Variants in WDPCP observed in about 807,000 individuals in gnomAD.
The protein encoded by WDPCP is WD repeat containing planar cell polarity effector.
Under a neutral mutation model 93.1 loss-of-function variants are expected in WDPCP, and 71 were observed. The ratio of observed to expected loss-of-function variants is 0.76; its 90% CI spans 0.63 to 0.93. The LOEUF is 0.93. Among genes scored for constraint, WDPCP ranks in the 40% least tolerant of loss-of-function variants. The pLI is 0.00. For missense variants in WDPCP, 844 were observed against 887.4 expected (o/e 0.95, Z 0.62); for synonymous variants, 315 against 315.0 (o/e 1.00, Z 0.00).
chr2:63,125,682 A>G lies in WDPCP; in HGVS notation c.2191-3626T>C, dbSNP rs1174689087. On this transcript the variant is annotated intron_variant, in intron 17 of 17. Coordinates refer to ENST00000272321, the MANE Select transcript of WDPCP (RefSeq NM_015910.7). The stretch of plus-strand genomic sequence containing the variant: ...GAGTGCAGTGGCGTGATCTCGGCTC[A>G]CTGCAACCTCCGCTTCCCGGGTTCA... 2.0e-5 allele frequency among the ~76,000 whole-genome samples: 3 copies of G among 151,980 alleles called. No homozygotes were observed. In the South Asian group the frequency reaches 6.2e-4, roughly 32 times the overall value.
chr2:63,396,953 T>C (rs764285518), intron 10 of WDPCP, among the ~76,000 whole-genome samples: 1 of 152,114 alleles, frequency 6.6e-6, no homozygotes, highest in Non-Finnish European at 1.5e-5. Flanking sequence ...CTAAGTATAA[T>C]AGCCTCCATC....
At chr2:63,708,235 C>T (rs989433621) in intron 2 of WDPCP, among the ~76,000 whole-genome samples, 1 of 152,208 alleles carries the variant, frequency 6.6e-6, no homozygotes, top group African/African-American at 2.4e-5. Context: ...GTGGAGCCTA[C>T]AGAGGCAGGC....
chr2:63,423,667 G>T (rs749485304), intron 9 of WDPCP, among the ~76,000 whole-genome samples: 3 of 152,058 alleles, frequency 2.0e-5, no homozygotes, highest in African/African-American at 7.2e-5. Context: ...GATACTAAAG[G>T]GCAGAATAAG....
At chr2:63,467,396 C>A (rs769357585) in intron 6 of WDPCP, among the ~76,000 whole-genome samples, 1 of 151,930 alleles carries the variant, frequency 6.6e-6, no homozygotes, top group African/African-American at 2.4e-5. Context: ...AGGAGAATCA[C>A]TGGAACCCAG....
intron 14 of WDPCP, among the ~76,000 whole-genome samples, chr2:63,258,804 T>A (rs1681357411): frequency 6.6e-6 from 1 of 152,164 alleles, no homozygotes; most frequent in African/African-American, 2.4e-5. Flanking sequence ...ACTTTCAAAT[T>A]CATTCTAAGG....
At chr2:63,440,454 A>G (rs1490087212) in intron 6 of WDPCP, 1 of 152,294 alleles carries the variant, frequency 6.6e-6, no homozygotes, top group Non-Finnish European at 1.5e-5. Flanking sequence ...TAAACAACAC[A>G]TATCAGAAAC....
At chr2:63,200,390 C>T (rs970259100) in intron 14 of WDPCP, among the ~76,000 whole-genome samples, 1 of 152,116 alleles carries the variant, frequency 6.6e-6, no homozygotes, top group Non-Finnish European at 1.5e-5. Context: ...ATCTGCACTC[C>T]CATGTTTGTT....
chr2:63,630,310 G>T (rs1178922853), intron 3 of WDPCP, among the ~76,000 whole-genome samples: 1 of 151,996 alleles, frequency 6.6e-6, no homozygotes, highest in East Asian at 1.9e-4. Flanking sequence ...AAAGGAAAAT[G>T]GTCTAAAGGC....
chr2:63,638,561 A>G (rs1335529187), intron 3 of WDPCP, among the ~76,000 whole-genome samples: 1 of 152,218 alleles, frequency 6.6e-6, no homozygotes, highest in Non-Finnish European at 1.5e-5. Context: ...AGGCAGAAGC[A>G]GGAGGATTGC....
intron 1 of WDPCP, among the ~76,000 whole-genome samples, chr2:63,500,183 G>A (rs1002677854): frequency 6.6e-6 from 1 of 152,130 alleles, no homozygotes; most frequent in Non-Finnish European, 1.5e-5. Context: ...TTAATAAGTT[G>A]AATTTTAGAC....
intron 13 of WDPCP, among the ~76,000 whole-genome samples, chr2:63,286,170 T>G (rs1683985622): frequency 6.6e-6 from 1 of 152,122 alleles, no homozygotes; most frequent in African/African-American, 2.4e-5. Context: ...CACACTCAAA[T>G]TTTTAAATTT....
chr2:63,425,260 A>G (rs1465076422), intron 9 of WDPCP, among the ~76,000 whole-genome samples: 1 of 152,190 alleles, frequency 6.6e-6, no homozygotes, highest in African/African-American at 2.4e-5. Context: ...CAAAAAGACA[A>G]TACCAGCCCG....
chr2:63,170,794 T>G (rs1436318909), intron 15 of WDPCP, among the ~76,000 whole-genome samples: 1 of 152,208 alleles, frequency 6.6e-6, no homozygotes, highest in Admixed American at 6.5e-5. Flanking sequence ...CTATGTTTTG[T>G]GAGATCCTAG....
At chr2:63,134,966 T>C (rs1276510638) in intron 17 of WDPCP, among the ~76,000 whole-genome samples, 1 of 151,844 alleles carries the variant, frequency 6.6e-6, no homozygotes, top group Admixed American at 6.6e-5. Context: ...CTACAAAAAA[T>C]ACAAAAATTA....
intron 13 of WDPCP, among the ~76,000 whole-genome samples, chr2:63,262,760 T>C (rs918521321): frequency 6.6e-6 from 1 of 152,110 alleles, no homozygotes; most frequent in African/African-American, 2.4e-5. Context: ...TTCTAGGGAA[T>C]TGGGGTCGTC....
chr2:63,255,605 T>C (rs936702861), intron 14 of WDPCP, among the ~76,000 whole-genome samples: 4 of 152,150 alleles, frequency 2.6e-5, no homozygotes, highest in African/African-American at 9.7e-5. Flanking sequence ...CCCCTTTACC[T>C]TCTACCATGA....
chr2:63,788,197 A>C (rs1328505414), intron 2 of WDPCP, among the ~76,000 whole-genome samples: 1 of 152,186 alleles, frequency 6.6e-6, no homozygotes, highest in African/African-American at 2.4e-5. Context: ...CAGCCCTTCA[A>C]GACACACGTA....
intron 12 of WDPCP, among the ~76,000 whole-genome samples, chr2:63,352,958 A>G (rs1390129182): frequency 6.6e-6 from 1 of 152,206 alleles, no homozygotes; most frequent in Non-Finnish European, 1.5e-5. Context: ...AAAAATTAGT[A>G]AAGTCCTTTT....
At chr2:63,756,661 TA>T (rs1461266520) in intron 2 of WDPCP, among the ~76,000 whole-genome samples, 3 of 152,196 alleles carry the variant, frequency 2.0e-5, no homozygotes, top group East Asian at 3.8e-4. Flanking sequence ...GCAAGTCATC[TA>T]GTCTATTTGA....
Sources: gnomAD v4.1 joint callset for allele counts (sites outside exome capture counted in the v4.1 genomes callset) on GRCh38, gnomAD v4.1.1 for gene constraint, MANE v1.5 for transcripts, NCBI Gene and HGNC (gene_info 2026-07-23, HGNC 2026-07-21) for gene names.